The following P4HA1 variants were observed in gnomAD, a reference collection of about 807,000 sequenced individuals.
The protein encoded by P4HA1 is prolyl 4-hydroxylase subunit alpha 1, also known as prolyl 4-hydroxylase subunit alpha-1.
Under a neutral mutation model 72.8 loss-of-function variants are expected in P4HA1, and 24 were observed. The ratio of observed to expected loss-of-function variants is 0.33; its 90% CI spans 0.24 to 0.46. The LOEUF (loss-of-function observed/expected upper bound fraction) is 0.46, where lower values mean the gene tolerates loss of function less well. Among genes scored for constraint, P4HA1 ranks in the 20% least tolerant of loss-of-function variants. The pLI, the probability that P4HA1 is intolerant of heterozygous loss-of-function variation, is 1.00. For synonymous variants in P4HA1, 201 were observed against 218.8 expected, an observed-to-expected ratio of 0.92 and a Z score of 0.72; for missense variants, 446 against 640.6, an observed-to-expected ratio of 0.70 and a Z score of 3.28.
At chr10:73,079,160 G>T (rs1443694966) in intron 1 of P4HA1, among the ~76,000 whole-genome samples, 1 of 152,134 alleles carries the variant, frequency 6.6e-6, no homozygotes, top group Non-Finnish European at 1.5e-5. Context: ...CTTTTTCAAA[G>T]ATACTTAAGC....
chr10:73,077,988 CAAA>C (rs757941139), intron 1 of P4HA1, among the ~76,000 whole-genome samples: 1 of 46,672 alleles, frequency 2.1e-5, no homozygotes, highest in African/African-American at 7.9e-5. Flanking sequence ...GACCCCATCT[CAAA>C]AAAAAAAAAA....
At chr10:73,070,620 C>A (rs1029993128) in intron 4 of P4HA1, among the ~76,000 whole-genome samples, 9 of 152,108 alleles carry the variant, frequency 5.9e-5, no homozygotes, top group Middle Eastern at 3.2e-3. Context: ...TTTTGACCTG[C>A]TCTGTTCCCA....
intron 12 of P4HA1, among the ~76,000 whole-genome samples, chr10:73,013,107 T>C (rs1183852952): frequency 1.3e-5 from 2 of 152,206 alleles, no homozygotes; most frequent in Non-Finnish European, 2.9e-5. Flanking sequence ...AAAATATCTT[T>C]TTTAAGTTAA....
chr10:73,060,209 T>C (rs1841280203), intron 5 of P4HA1, among the ~76,000 whole-genome samples: 1 of 152,180 alleles, frequency 6.6e-6, no homozygotes, highest in African/African-American at 2.4e-5. Context: ...TATGAGTTAA[T>C]AGTATGAATA....
At chr10:73,056,671 C>T (rs1841154970) in intron 5 of P4HA1, among the ~76,000 whole-genome samples, 2 of 151,722 alleles carry the variant, frequency 1.3e-5, no homozygotes, top group African/African-American at 4.8e-5. Context: ...AAAAATACCC[C>T]AACAAAGAGC....
intron 9 of P4HA1, among the ~76,000 whole-genome samples, chr10:73,036,570 T>C (rs1467998069): frequency 6.6e-6 from 1 of 152,064 alleles, no homozygotes; most frequent in Non-Finnish European, 1.5e-5. Flanking sequence ...CTAATTTTTG[T>C]ATTTTTTTGT....
rs765143260 is a variant in P4HA1, at chr10:73,069,811, G to GT, written c.326-829dup. ...TCATTAACTTATAATCAACTGTTTTGTTTTTTTTTTTTTGAGACAGTCTCA... is the reference window on the plus strand; with the variant it reads ...TCATTAACTTATAATCAACTGTTTTGTTTTTTTTTTTTTTGAGACAGTCTCA... On this transcript the variant is annotated intron_variant, in intron 4 of 14. Coordinates refer to ENST00000394890, the MANE Select transcript of P4HA1 (RefSeq NM_001017962.3). 7.3e-3 allele frequency among the ~76,000 whole-genome samples: 1,034 copies of GT among 142,290 alleles called. 10 individuals are homozygous for GT. The highest frequency in any genetic ancestry group is 0.01 in the African/African-American group (391 of 38,686). 93.3% of individuals were successfully genotyped at this position (142,290 alleles called of 152,430 possible). A position where few individuals can be genotyped will look rare whatever the true frequency, so the allele number is the denominator to read the frequency against.
At chr10:73,020,605 C>G (rs1358540048) in intron 10 of P4HA1, among the ~76,000 whole-genome samples, 1 of 151,992 alleles carries the variant, frequency 6.6e-6, no homozygotes, top group Non-Finnish European at 1.5e-5. Flanking sequence ...AAACTCATCA[C>G]AGACATAATG....
chr10:73,012,440 G>C (rs935964526), intron 12 of P4HA1, among the ~76,000 whole-genome samples: 9 of 152,180 alleles, frequency 5.9e-5, no homozygotes, highest in African/African-American at 2.2e-4. Context: ...GCATGAATTT[G>C]TATACCGTAC....
At chr10:73,051,404 A>G in intron 6 of P4HA1, among the ~76,000 whole-genome samples, 155 bp from the exon 7 acceptor site, 1 of 152,154 alleles carries the variant, frequency 6.6e-6, no homozygotes, top group Non-Finnish European at 1.5e-5. Flanking sequence ...TTATTATACC[A>G]AAATAATAGG....
intron 1 of P4HA1, among the ~76,000 whole-genome samples, chr10:73,075,471 G>A (rs542200486): frequency 2.0e-5 from 3 of 152,228 alleles, no homozygotes; most frequent in South Asian, 4.1e-4. Context: ...AGCTGAGTTT[G>A]TTCTCCTTAG....
chr10:73,040,391 T>C (rs1158671758), intron 9 of P4HA1, among the ~76,000 whole-genome samples: 16 of 152,124 alleles, frequency 1.1e-4, no homozygotes, highest in African/African-American at 3.1e-4. Context: ...CCATTGACTG[T>C]GGGCTGGATA....
At chr10:73,078,634 C>CAGGG (rs1841756797) in intron 1 of P4HA1, among the ~76,000 whole-genome samples, 2 of 101,614 alleles carry the variant, frequency 2.0e-5, no homozygotes, top group Admixed American at 1.5e-4. Flanking sequence ...TTTTTGGAGA[C>CAGGG]AGAGTCTCAT....
At chr10:73,091,954 T>G (rs1400811393) in intron 1 of P4HA1, among the ~76,000 whole-genome samples, 1 of 152,206 alleles carries the variant, frequency 6.6e-6, no homozygotes, top group Non-Finnish European at 1.5e-5. Context: ...AAAAATGGAT[T>G]ATTGCTCTGA....
rs538603042 is a variant in P4HA1 at position 73,092,975 on chromosome 10, T to C, written c.-33+3791A>G. On this transcript the variant is annotated intron_variant, in intron 1 of 14. Transcript: ENST00000394890. The stretch of plus-strand genomic sequence containing the variant: ...CTCTACAAAAAATTAAAAAATTAGC[T>C]AGACATGGTGGCATGCATCTGTACC... Among the ~76,000 whole-genome samples the C allele has an allele frequency of 3.3e-5, 5 of 151,704 alleles. No individual in the cohort carries two copies. The South Asian group carries it at 1.0e-3, about 32-fold the overall frequency.
intron 1 of P4HA1, among the ~76,000 whole-genome samples, chr10:73,096,528 C>T (rs921709643): frequency 6.6e-6 from 1 of 152,050 alleles, no homozygotes; most frequent in Non-Finnish European, 1.5e-5. Context: ...CGGTCCGAGG[C>T]GCACTAGGGA....
chr10:73,014,143 T>G, intron 12 of P4HA1, 81 bp downstream of exon 12: 1 of 950,716 alleles, frequency 1.1e-6, no homozygotes, highest in East Asian at 2.4e-5. Flanking sequence ...GAATCAGAGC[T>G]ACACAGAACA....
chr10:73,095,522 TAAA>T (rs3065972), intron 1 of P4HA1, among the ~76,000 whole-genome samples: 62 of 133,522 alleles, frequency 4.6e-4, no homozygotes, highest in African/African-American at 1.1e-3. Context: ...ACCAGAACTT[TAAA>T]AAAAAAAAAA....
chr10:73,093,529 A>G (rs1842080459), intron 1 of P4HA1, among the ~76,000 whole-genome samples: 1 of 151,854 alleles, frequency 6.6e-6, no homozygotes, highest in Non-Finnish European at 1.5e-5. Context: ...TATACAAATA[A>G]ATTTTCTTGA....
Sources: allele counts gnomAD v4.1 joint callset (sites outside exome capture counted in the v4.1 genomes callset), GRCh38; gene constraint gnomAD v4.1.1; transcripts MANE v1.5; gene names NCBI Gene and HGNC (gene_info 2026-07-23, HGNC 2026-07-21).